RHOU: variants seen among roughly 807,000 people sequenced by gnomAD.
RHOU encodes ras homolog family member U, also known as rho-related GTP-binding protein RhoU.
In RHOU, 8 loss-of-function variants were observed where a neutral mutation model predicts 12.6. The ratio of observed to expected loss-of-function variants is 0.64; its 90% CI spans 0.37 to 1.15. RHOU has a LOEUF of 1.15. RHOU is among the 50% of genes most tolerant of loss of function. RHOU has a pLI of 0.01. For synonymous variants in RHOU, 161 were observed against 147.4 expected, an observed-to-expected ratio of 1.09 and a Z score of -0.67; for missense variants, 258 against 347.0, an observed-to-expected ratio of 0.74 and a Z score of 2.04.
At chr1:228,667,191 T>C in the RHOU span, among the ~76,000 whole-genome samples, 1 of 152,206 alleles carries the variant, frequency 6.6e-6, no homozygotes, top group African/African-American at 2.4e-5. Context: ...GCTTCTTCTT[T>C]TCTGGACACT....
At chr1:228,699,298 A>T in the RHOU span, among the ~76,000 whole-genome samples, 1 of 151,370 alleles carries the variant, frequency 6.6e-6, no homozygotes, top group Non-Finnish European at 1.5e-5. Context: ...AATAAAAAAA[A>T]TTAGTCAGGG....
the RHOU span, chr1:228,687,940 T>A: frequency 1.4e-6 from 1 of 695,952 alleles, no homozygotes; most frequent in Non-Finnish European, 2.6e-6. Flanking sequence ...TCTCCCTCCC[T>A]CTGTCCCTTC....
At chr1:228,723,478 T>G in the RHOU span, among the ~76,000 whole-genome samples, 1 of 151,992 alleles carries the variant, frequency 6.6e-6, no homozygotes, top group Non-Finnish European at 1.5e-5. Context: ...CAGGGCACCA[T>G]GATGTTCTAC....
chr1:228,733,563 C>T (rs1458192170), upstream of RHOU, among the ~76,000 whole-genome samples: 1 of 152,226 alleles, frequency 6.6e-6, no homozygotes, highest in Non-Finnish European at 1.5e-5. Context: ...TGCTTCAGCC[C>T]CCCAAAGTGT....
the RHOU span, among the ~76,000 whole-genome samples, chr1:228,697,242 T>G: frequency 6.6e-6 from 1 of 152,208 alleles, no homozygotes; most frequent in Non-Finnish European, 1.5e-5. Context: ...TACTTTAGGA[T>G]TCAGAGCTCC....
chr1:228,743,416 T>C lies in RHOU; in HGVS notation c.453T>C (p.Cys151=), dbSNP rs1186901080. 5.0e-6 allele frequency: 8 copies of C among 1,613,948 alleles called. No individual in the cohort carries two copies. Among genetic ancestry groups the C allele is most frequent in the African/African-American group, 1.3e-5 (1 of 74,848 alleles). ...GGGTGCCGGAGATTCGATGCCACTG[T>C]CCCAAAGCCCCCATCATCCTAGTTG... is the stretch of plus-strand genomic sequence containing the variant. ...EKWVPEIRCH[C]PKAPIILVGT... The change falls in exon 3 of 3, where the codon TGT becomes TGC. Residue 151 remains cysteine, a synonymous_variant. Transcript: ENST00000366691. The surrounding 1 kb of genome is among the most constrained non-coding windows in gnomAD (Gnocchi z 5.1).
the RHOU span, among the ~76,000 whole-genome samples, chr1:228,722,848 C>G: frequency 6.6e-6 from 1 of 152,264 alleles, no homozygotes; most frequent in Non-Finnish European, 1.5e-5. Context: ...GTCTCGATCT[C>G]CTGACTTCGT....
At chr1:228,695,500 C>T in the RHOU span, among the ~76,000 whole-genome samples, 2 of 152,202 alleles carry the variant, frequency 1.3e-5, no homozygotes, top group Non-Finnish European at 2.9e-5. Context: ...GACTGCCCCC[C>T]ACTTTCAATG....
At chr1:228,718,517 C>G in the RHOU span, among the ~76,000 whole-genome samples, 1 of 152,024 alleles carries the variant, frequency 6.6e-6, no homozygotes, top group Non-Finnish European at 1.5e-5. Context: ...ATGCCCTTTG[C>G]CAGTCTAGAA....
Position 228,738,665 on chromosome 1 carries a change from C to T in RHOU, c.321+934C>T, listed in dbSNP as rs1662662441. Among the ~76,000 whole-genome samples, 2 of 152,212 alleles carry T rather than the reference C, an allele frequency of 1.3e-5. No individual in the cohort carries two copies. The highest frequency in any genetic ancestry group is 2.9e-5 in the Non-Finnish European group (2 of 68,038). On this transcript the variant is annotated intron_variant, in intron 2 of 2. Coordinates refer to ENST00000366691, the MANE Select transcript of RHOU (RefSeq NM_021205.6). This position sits in a 1 kb window ranked among gnomAD's most constrained non-coding sequence, Gnocchi z 4.2. ...CCAGAGCTTCCAAGTTGCTCACCTA[C>T]TCTGGGACAGCAGATTCAGAGCTAA...
the RHOU span, among the ~76,000 whole-genome samples, chr1:228,667,547 C>G: frequency 6.6e-6 from 1 of 152,184 alleles, no homozygotes; most frequent in East Asian, 1.9e-4. Flanking sequence ...GGGAGCCCCT[C>G]TCTCACCTTG....
chr1:228,728,899 CTT>C, the RHOU span, among the ~76,000 whole-genome samples: 7 of 141,742 alleles, frequency 4.9e-5, no homozygotes, highest in Admixed American at 6.9e-5. Flanking sequence ...CTTTTCTTTT[CTT>C]TTTTTTTTTT....
At chr1:228,713,078 T>C in the RHOU span, among the ~76,000 whole-genome samples, 1 of 152,154 alleles carries the variant, frequency 6.6e-6, no homozygotes, top group Non-Finnish European at 1.5e-5. Context: ...ACCCATTTCC[T>C]GGCATACAAC....
chr1:228,714,498 T>A, the RHOU span, among the ~76,000 whole-genome samples: 1 of 152,174 alleles, frequency 6.6e-6, no homozygotes, highest in Admixed American at 6.5e-5. Context: ...ATTCTATAGA[T>A]ACTAATCTGT....
At chr1:228,665,562 C>A in the RHOU span, among the ~76,000 whole-genome samples, 1 of 152,076 alleles carries the variant, frequency 6.6e-6, no homozygotes, top group Non-Finnish European at 1.5e-5. Flanking sequence ...AGTAATATAT[C>A]TTTGAGTGGA....
At chr1:228,660,927 C>T in the RHOU span, among the ~76,000 whole-genome samples, 118 of 109,564 alleles carry the variant, frequency 1.1e-3, no homozygotes, top group African/African-American at 5.2e-3. Flanking sequence ...GAGCGAAACT[C>T]TGTCTCAAAA....
At position 228,739,301 on chromosome 1, in the gene RHOU, C is replaced by T. The variant is rs992250738; in HGVS notation, c.321+1570C>T. On this transcript the variant is annotated intron_variant, in intron 2 of 2. Transcript: ENST00000366691. The stretch of plus-strand genomic sequence containing the variant: ...ACATGGCCAGCCAGGCGCGGTTGCT[C>T]ACGCCTGTAATCCCAGCACTTTGGG... Among the ~76,000 whole-genome samples, 5 of 152,184 alleles carry T rather than the reference C, an allele frequency of 3.3e-5. No individual in the cohort carries two copies. In the East Asian group the frequency reaches 7.8e-4, roughly 24 times the overall value.
the RHOU span, among the ~76,000 whole-genome samples, chr1:228,669,196 C>T: frequency 2.0e-5 from 3 of 152,224 alleles, no homozygotes; most frequent in East Asian, 1.9e-4. Context: ...AACCCAGTCC[C>T]CCAACCCCTG....
the RHOU span, among the ~76,000 whole-genome samples, chr1:228,667,861 A>G: frequency 6.6e-6 from 1 of 152,234 alleles, no homozygotes; most frequent in African/African-American, 2.4e-5. Flanking sequence ...ATAATAAAAA[A>G]TAAAGGTTTG....
Sources: allele counts gnomAD v4.1 joint callset (sites outside exome capture counted in the v4.1 genomes callset), GRCh38; gene constraint gnomAD v4.1.1; non-coding constraint Gnocchi (gnomAD v3.1); transcripts MANE v1.5; gene names NCBI Gene and HGNC (gene_info 2026-07-23, HGNC 2026-07-21).